CLCN6: variants seen among roughly 807,000 people sequenced by gnomAD.
The protein encoded by CLCN6 is H(+)/Cl(-) exchange transporter 6.
CLCN6 carries 70 observed loss-of-function variants against 109.8 expected under a neutral mutation model. The observed-to-expected ratio is 0.64, with a 90% CI of 0.53 to 0.78. The LOEUF is 0.78. Ranked by LOEUF, CLCN6 falls within the 30% of genes least tolerant of loss-of-function variation. CLCN6 has a pLI of 0.00. For synonymous variants in CLCN6, 444 were observed against 447.8 expected (o/e 0.99, Z 0.11); for missense variants, 984 against 1,142.3 (o/e 0.86, Z 2.00).
intron 10 of CLCN6, 135 bp from the exon 11 acceptor site, chr1:11,827,971 G>A (rs1250614776): frequency 4.2e-6 from 3 of 714,342 alleles, no homozygotes; most frequent in Non-Finnish European, 7.5e-6. Context: ...CTACTGTAAG[G>A]GTGACTAGAT....
intron 4 of CLCN6, 94 bp downstream of exon 4, chr1:11,816,774 A>G: frequency 1.2e-6 from 1 of 831,614 alleles, no homozygotes. Flanking sequence ...GTCATTTGTC[A>G]TTATAACATT....
At chr1:11,822,109 A>G (rs1644751862) in intron 5 of CLCN6, among the ~76,000 whole-genome samples, 1 of 152,140 alleles carries the variant, frequency 6.6e-6, no homozygotes, top group Non-Finnish European at 1.5e-5. Context: ...TGTTTCTTAA[A>G]ATGGTACTGA....
chr1:11,834,826 G>A lies in CLCN6; in HGVS notation c.1793+236G>A, dbSNP rs932845124. ...CAGTGGGCAGGGCCTCTTCGTGGTG[G>A]TTTGACTCCCATGGCATTCTGGTTA... On this transcript the variant is annotated intron_variant, in intron 17 of 22. Coordinates refer to ENST00000346436, the MANE Select transcript of CLCN6 (RefSeq NM_001286.5). The surrounding 1 kb of genome is among the most constrained non-coding windows in gnomAD (Gnocchi z 4.5). Among the ~76,000 whole-genome samples, 43 of 152,160 alleles carry A rather than the reference G, an allele frequency of 2.8e-4. No individual in the cohort carries two copies. The highest frequency in any genetic ancestry group is 8.4e-4 in the African/African-American group (35 of 41,422).
intron 2 of CLCN6, among the ~76,000 whole-genome samples, chr1:11,807,481 A>C (rs1269196960): frequency 2.0e-5 from 3 of 152,262 alleles, no homozygotes; most frequent in Admixed American, 1.3e-4. Context: ...AGAGAGACTT[A>C]GAGTGAAAGG....
At chr1:11,818,360 A>G (rs1644700497) in intron 4 of CLCN6, among the ~76,000 whole-genome samples, 1 of 152,244 alleles carries the variant, frequency 6.6e-6, no homozygotes, top group Non-Finnish European at 1.5e-5. Flanking sequence ...TCATTGGCGC[A>G]TTCAGATTTT....
intron 5 of CLCN6, 122 bp from the exon 6 acceptor site, chr1:11,822,573 T>C (rs1644759568): frequency 1.0e-5 from 6 of 597,064 alleles, no homozygotes; most frequent in Admixed American, 8.3e-5. Context: ...AATTTTTATA[T>C]ATAGAGAAAA....
At chr1:11,830,017 C>T (rs978008877) in intron 13 of CLCN6, 1 of 152,432 alleles carries the variant, frequency 6.6e-6, no homozygotes. Flanking sequence ...GGAGGCTTCT[C>T]TCTTCCCAGC....
chr1:11,806,330 C>T lies in CLCN6; in HGVS notation c.68C>T (p.Thr23Ile), dbSNP rs769631586. 12 of 1,516,022 alleles carry T rather than the reference C, an allele frequency of 7.9e-6. No individual in the cohort carries two copies. In the African/African-American group the frequency reaches 1.8e-4, roughly 22 times the overall value. 93.9% of individuals were successfully genotyped at this position (1,516,022 alleles called of 1,614,324 possible). The change falls in exon 1 of 23, where the codon ACC becomes ATC. Residue 23 changes from threonine to isoleucine, a missense_variant. Transcript: ENST00000346436. Reference sequence around the variant, plus strand: ...TGCTGCTGCTGCGGTGAGCGTGAGACCCGCACCCCCGAGGAGCTGGTAAGA... The same window carrying T: ...TGCTGCTGCTGCGGTGAGCGTGAGATCCGCACCCCCGAGGAGCTGGTAAGA... ...RWCCCCGERE[T>I]RTPEELTILG...
intron 9 of CLCN6, 101 bp from the exon 10 acceptor site, chr1:11,826,988 A>T: frequency 6.9e-7 from 1 of 1,457,996 alleles, no homozygotes; most frequent in Non-Finnish European, 9.3e-7. Context: ...CTGCCTATTC[A>T]TTCACAGGTG....
At chr1:11,831,171 G>GTTTTT (rs548829235) in intron 13 of CLCN6, among the ~76,000 whole-genome samples, 3 of 51,628 alleles carry the variant, frequency 5.8e-5, no homozygotes, top group African/African-American at 3.0e-4. Flanking sequence ...TTTTGTTTTT[G>GTTTTT]TTTTTGGCAA....
intron 2 of CLCN6, among the ~76,000 whole-genome samples, chr1:11,807,770 C>A (rs1644539132): frequency 6.6e-6 from 1 of 152,178 alleles, no homozygotes; most frequent in African/African-American, 2.4e-5. Flanking sequence ...TAACTCCATT[C>A]ATTAAAAGAT....
chr1:11,834,204 A>C lies in CLCN6; in HGVS notation c.1527-32A>C. ...TCCCCACAGCCTATCAGTGTGGTTC[A>C]AAGCCATGTTCTCGGTGTTTTCCTT... On this transcript the variant is annotated intron_variant, in intron 15 of 22. Coordinates refer to ENST00000346436, the MANE Select transcript of CLCN6 (RefSeq NM_001286.5). This position sits in a 1 kb window ranked among gnomAD's most constrained non-coding sequence, Gnocchi z 4.5. 6.2e-7 allele frequency: 1 copy of C among 1,603,016 alleles called. No homozygotes were observed. Among genetic ancestry groups the C allele is most frequent in the Non-Finnish European group, 8.5e-7 (1 of 1,174,714 alleles).
chr1:11,838,985 A>G (rs778852885), intron 22 of CLCN6: 8 of 680,716 alleles, frequency 1.2e-5, no homozygotes, highest in South Asian at 1.1e-4. Context: ...GGATTTGCGC[A>G]TTAGATGAGA....
chr1:11,820,674 G>T (rs149764880), intron 5 of CLCN6: 39,342 of 277,018 alleles, frequency 0.14, 3,053 homozygotes, highest in South Asian at 0.19. Flanking sequence ...GGCTGAGGCA[G>T]GAGAATGGCA....
chr1:11,829,330 C>A lies in CLCN6; in HGVS notation c.1248+8C>A. Reference sequence around the variant, plus strand: ...GACTCATTCCAGCTCCAGGTAACCCCAGTGCACCTGCTACCTTTATCCCAT... The same window carrying A: ...GACTCATTCCAGCTCCAGGTAACCCAAGTGCACCTGCTACCTTTATCCCAT... On this transcript the variant is annotated splice_region_variant and intron_variant, in intron 13 of 22. Coordinates refer to ENST00000346436, the MANE Select transcript of CLCN6 (RefSeq NM_001286.5). The A allele has an allele frequency of 6.2e-7, 1 of 1,614,010 alleles. No homozygotes were observed. Among genetic ancestry groups the A allele is most frequent in the Non-Finnish European group, 8.5e-7 (1 of 1,179,924 alleles).
At chr1:11,806,890 G>A (rs1644521131) in intron 1 of CLCN6, 1 of 503,238 alleles carries the variant, frequency 2.0e-6, no homozygotes. Context: ...CATCTTTGAG[G>A]TGTCCTGAAG....
rs1349745598 is a variant in CLCN6 at position 11,841,853 on chromosome 1, C to G, written c.*1630C>G. Reference sequence around the variant, plus strand: ...CTCCATTTTCCCCATTTTCTTATCTCCCTGACCAAAATTGCTTTGACTTCT... The same window carrying G: ...CTCCATTTTCCCCATTTTCTTATCTGCCTGACCAAAATTGCTTTGACTTCT... On this transcript the variant is annotated 3_prime_UTR_variant, in exon 23 of 23. Coordinates refer to ENST00000346436, the MANE Select transcript of CLCN6 (RefSeq NM_001286.5). 2 of 152,238 alleles carry G rather than the reference C, an allele frequency of 1.3e-5. No individual in the cohort carries two copies. Among genetic ancestry groups the G allele is most frequent in the Non-Finnish European group, 2.9e-5 (2 of 68,038 alleles). The allele number at this position is 152,238 out of a possible 1,614,324, so 9.4% of individuals were successfully genotyped here. A position where few individuals can be genotyped will look rare whatever the true frequency, so the allele number is the denominator to read the frequency against.
intron 14 of CLCN6, 75 bp from the exon 15 acceptor site, chr1:11,833,802 T>C (rs1344519525): frequency 6.4e-7 from 1 of 1,563,960 alleles, no homozygotes; most frequent in East Asian, 2.2e-5. Context: ...GTATGGGGTG[T>C]GGTCGGGCCC....
At position 11,834,065 on chromosome 1, in the gene CLCN6, CATGTGT is replaced by C; in HGVS notation, c.1526+36_1526+41del. 1 of 1,607,670 alleles carries C rather than the reference CATGTGT, an allele frequency of 6.2e-7. No individual in the cohort carries two copies. Among genetic ancestry groups the C allele is most frequent in the Non-Finnish European group, 8.5e-7 (1 of 1,176,716 alleles). On this transcript the variant is annotated intron_variant, in intron 15 of 22. Coordinates refer to ENST00000346436, the MANE Select transcript of CLCN6 (RefSeq NM_001286.5). This position sits in a 1 kb window ranked among gnomAD's most constrained non-coding sequence, Gnocchi z 4.5. ...GTGTGTGCGTGTGTGTGCGCATGTG[CATGTGT>C]GTGCACGTGTGCGTGTGTATGCATG...
Sources: allele counts gnomAD v4.1 joint callset (sites outside exome capture counted in the v4.1 genomes callset), GRCh38; gene constraint gnomAD v4.1.1; non-coding constraint Gnocchi (gnomAD v3.1); transcripts MANE v1.5; gene names NCBI Gene and HGNC (gene_info 2026-07-23, HGNC 2026-07-21).